Variants in TRHDE observed in about 807,000 individuals in gnomAD.
TRHDE encodes the protein thyrotropin-releasing hormone-degrading ectoenzyme.
Under a neutral mutation model 125.7 loss-of-function variants are expected in TRHDE, and 72 were observed. The observed-to-expected ratio is 0.57, with a 90% CI of 0.47 to 0.70. TRHDE has a LOEUF of 0.70. Ranked by LOEUF, TRHDE falls within the 30% of genes least tolerant of loss-of-function variation. The pLI, the probability that TRHDE is intolerant of heterozygous loss-of-function variation, is 0.00. For synonymous variants in TRHDE, 509 were observed against 509.1 expected (o/e 1.00, Z 0.00); for missense variants, 1,110 against 1,327.1 (o/e 0.84, Z 2.54).
intron 4 of TRHDE, among the ~76,000 whole-genome samples, chr12:72,471,533 T>C (rs1207057449): frequency 2.0e-5 from 3 of 152,218 alleles, no homozygotes. Context: ...CCACTTACTA[T>C]GGAGTAATGA....
At chr12:72,427,990 T>C (rs1874262722) in intron 3 of TRHDE, among the ~76,000 whole-genome samples, 1 of 152,190 alleles carries the variant, frequency 6.6e-6, no homozygotes, top group Non-Finnish European at 1.5e-5. Context: ...TCAAGTGACC[T>C]GTTTTATAAA....
intron 3 of TRHDE, among the ~76,000 whole-genome samples, chr12:72,434,801 C>A (rs563020070): frequency 6.6e-6 from 1 of 152,292 alleles, no homozygotes; most frequent in Non-Finnish European, 1.5e-5. Context: ...CCACTCCCAA[C>A]ACTTTCACAC....
At chr12:72,608,289 C>T (rs564165529) in intron 12 of TRHDE, among the ~76,000 whole-genome samples, 1 of 152,194 alleles carries the variant, frequency 6.6e-6, no homozygotes, top group Non-Finnish European at 1.5e-5. Flanking sequence ...TCCTATACAA[C>T]GTTGAGATGG....
intron 2 of TRHDE, among the ~76,000 whole-genome samples, chr12:72,152,193 T>C (rs1306450706): frequency 6.6e-6 from 1 of 150,476 alleles, no homozygotes; most frequent in African/African-American, 2.5e-5. Context: ...TTTGGCTCTC[T>C]GTTTGTCTGT....
chr12:72,567,253 G>A (rs546633079), intron 9 of TRHDE, among the ~76,000 whole-genome samples: 1 of 151,836 alleles, frequency 6.6e-6, no homozygotes, highest in Non-Finnish European at 1.5e-5. Context: ...TTACCAGACC[G>A]ATTGTATGGA....
intron 6 of TRHDE, among the ~76,000 whole-genome samples, chr12:72,528,588 A>C (rs1365820737): frequency 1.3e-5 from 2 of 152,078 alleles, no homozygotes; most frequent in Non-Finnish European, 2.9e-5. Context: ...TGCCGGGTTC[A>C]AGTAATTCTC....
At chr12:72,381,395 G>GTTTTTT (rs61184961) in intron 3 of TRHDE, among the ~76,000 whole-genome samples, 1 of 137,972 alleles carries the variant, frequency 7.2e-6, no homozygotes, top group Non-Finnish European at 1.6e-5. Context: ...AGATACGAAA[G>GTTTTTT]TTTTTTTTTT....
At chr12:72,382,066 G>A (rs1167672259) in intron 3 of TRHDE, among the ~76,000 whole-genome samples, 1 of 152,134 alleles carries the variant, frequency 6.6e-6, no homozygotes, top group Non-Finnish European at 1.5e-5. Flanking sequence ...CATGCTCAGA[G>A]GTTAAAGACT....
At chr12:72,562,765 A>G (rs1051060972) in intron 8 of TRHDE, 88 bp from the exon 9 acceptor site, 37 of 829,848 alleles carry the variant, frequency 4.5e-5, no homozygotes, top group Middle Eastern at 3.4e-4. Context: ...TTAGGTAAAT[A>G]GTAAAAATAG....
At chr12:72,419,756 T>C (rs1191735908) in intron 3 of TRHDE, among the ~76,000 whole-genome samples, 1 of 152,126 alleles carries the variant, frequency 6.6e-6, no homozygotes, top group Non-Finnish European at 1.5e-5. Flanking sequence ...TTACCTCCTA[T>C]AAATTAGCAG....
intron 12 of TRHDE, among the ~76,000 whole-genome samples, chr12:72,578,914 T>C (rs1871118300): frequency 6.6e-6 from 1 of 151,688 alleles, no homozygotes. Flanking sequence ...CATTTTATCC[T>C]GCTCACAGGT....
At chr12:72,497,759 T>C (rs1877982219) in intron 5 of TRHDE, among the ~76,000 whole-genome samples, 1 of 152,152 alleles carries the variant, frequency 6.6e-6, no homozygotes, top group Non-Finnish European at 1.5e-5. Context: ...AATTGATACA[T>C]AATTTTTTCT....
chr12:72,254,243 C>G (rs1378877078), intron 2 of TRHDE: 1 of 151,966 alleles, frequency 6.6e-6, no homozygotes, highest in Non-Finnish European at 1.5e-5. Flanking sequence ...CCTTCCACCC[C>G]TCTTATCTCT....
chr12:72,292,850 T>C (rs1489994110), intron 2 of TRHDE, among the ~76,000 whole-genome samples: 1 of 152,228 alleles, frequency 6.6e-6, no homozygotes, highest in African/African-American at 2.4e-5. Context: ...AAGAAATCAT[T>C]TGAAAATGTA....
chr12:72,110,023 C>T (rs961202103), intron 2 of TRHDE, among the ~76,000 whole-genome samples: 4 of 152,012 alleles, frequency 2.6e-5, no homozygotes, highest in African/African-American at 9.7e-5. Flanking sequence ...TGTTAAAATG[C>T]AAATGCTTCT....
At chr12:72,285,309 A>T (rs1361886433) in intron 1 of TRHDE, among the ~76,000 whole-genome samples, 1 of 152,134 alleles carries the variant, frequency 6.6e-6, no homozygotes, top group Non-Finnish European at 1.5e-5. Context: ...CATGTATATC[A>T]CAGATGATGG....
intron 2 of TRHDE, among the ~76,000 whole-genome samples, chr12:72,210,830 T>C (rs1041303327): frequency 7.2e-5 from 11 of 152,244 alleles, no homozygotes; most frequent in Admixed American, 7.2e-4. Flanking sequence ...CAACTTCTTT[T>C]CTTTTTCCTT....
At chr12:72,611,097 A>G in intron 12 of TRHDE, 1 of 171,904 alleles carries the variant, frequency 5.8e-6, no homozygotes, top group Admixed American at 5.4e-5. Flanking sequence ...ACTGGAGGAG[A>G]GGAGCTGAAT....
At chr12:72,115,913 A>C (rs1279114254) in intron 2 of TRHDE, among the ~76,000 whole-genome samples, 1 of 152,162 alleles carries the variant, frequency 6.6e-6, no homozygotes, top group African/African-American at 2.4e-5. Context: ...ACATAGGTAT[A>C]CATGTGCCAT....
Sources: gnomAD v4.1 joint callset for allele counts (sites outside exome capture counted in the v4.1 genomes callset) on GRCh38, gnomAD v4.1.1 for gene constraint, MANE v1.5 for transcripts, NCBI Gene and HGNC (gene_info 2026-07-23, HGNC 2026-07-21) for gene names.